Variants in STRN3 observed in about 807,000 individuals in gnomAD.
The protein encoded by STRN3 is striatin-3.
STRN3 carries 29 observed loss-of-function variants against 95.6 expected under a neutral mutation model. The ratio of observed to expected loss-of-function variants is 0.30; its 90% CI spans 0.23 to 0.41. The LOEUF is 0.41. Ranked by LOEUF, STRN3 falls within the 10% of genes least tolerant of loss-of-function variation. STRN3 has a pLI of 1.00. For synonymous variants in STRN3, 331 were observed against 357.6 expected (o/e 0.93, Z 0.84); for missense variants, 890 against 972.1 (o/e 0.92, Z 1.12).
rs147057592 is a variant in STRN3, at chr14:30,952,121, C to CAAAA, written c.461-1178_461-1177insTTTT. Among the ~76,000 whole-genome samples, 10 of 148,292 alleles carry CAAAA rather than the reference C, an allele frequency of 6.7e-5. 1 individual carries two copies. Among genetic ancestry groups the CAAAA allele is most frequent in the Non-Finnish European group, 1.2e-4 (8 of 67,106 alleles). ...CGACAGAGCGAGACCCTGTCTTAAA[C>CAAAA]AACAAAAAAAAAGAGTTTAATAAAC... On this transcript the variant is annotated intron_variant, in intron 3 of 17. Transcript: ENST00000357479.
intron 7 of STRN3, among the ~76,000 whole-genome samples, chr14:30,934,047 C>T (rs2139068480): frequency 6.6e-6 from 1 of 152,200 alleles, no homozygotes; most frequent in African/African-American, 2.4e-5. Context: ...TTCTCCAGGC[C>T]AGGCGCGGTG....
chr14:30,936,153 A>G (rs1340758737), intron 6 of STRN3, among the ~76,000 whole-genome samples: 1 of 152,216 alleles, frequency 6.6e-6, no homozygotes, highest in Non-Finnish European at 1.5e-5. Context: ...TCCCATTGCA[A>G]CTTCAGTTAA....
rs539852765 is a variant in STRN3 at position 30,986,547 on chromosome 14, A to G, written c.283-30305T>C. ...CCTTTTAGCTACTAACACTATTCCT[A>G]TATTTCTTTTACTTTCCATACTATG... On this transcript the variant is annotated intron_variant, in intron 1 of 17. Coordinates refer to ENST00000357479, the MANE Select transcript of STRN3 (RefSeq NM_001083893.2). 3.3e-4 allele frequency among the ~76,000 whole-genome samples: 51 copies of G among 152,318 alleles called. 1 individual carries two copies. Among genetic ancestry groups the G allele is most frequent in the South Asian group, 2.7e-3 (13 of 4,834 alleles).
intron 1 of STRN3, among the ~76,000 whole-genome samples, chr14:30,975,861 T>G (rs112900946): frequency 0.015 from 1,795 of 120,528 alleles, 22 homozygotes; most frequent in Middle Eastern, 0.026. Context: ...AAAAAAAAAG[T>G]GGACTTGAAT....
rs560448285 is a variant in STRN3, at chr14:30,913,348, T to G, written c.1374+176A>C. The stretch of plus-strand genomic sequence containing the variant: ...CCACCAAAATACCTAAAAAAAAAAT[T>G]TAAATACCACAAAGAGAGTAGTTAT... On this transcript the variant is annotated intron_variant, in intron 10 of 17. Transcript: ENST00000357479. Among the ~76,000 whole-genome samples, 6 of 152,150 alleles carry G rather than the reference T, an allele frequency of 3.9e-5. No individual in the cohort carries two copies. In the East Asian group the frequency reaches 1.2e-3, roughly 29 times the overall value.
At chr14:30,956,631 T>C (rs565158989) in intron 1 of STRN3, among the ~76,000 whole-genome samples, 4 of 152,274 alleles carry the variant, frequency 2.6e-5, no homozygotes, top group African/African-American at 9.6e-5. Flanking sequence ...CACATCCCTT[T>C]TAAAATAAAG....
At chr14:30,921,106 A>ACG (rs1218949783) in intron 8 of STRN3, among the ~76,000 whole-genome samples, 4 of 150,680 alleles carry the variant, frequency 2.7e-5, no homozygotes, top group Non-Finnish European at 5.9e-5. Context: ...ACACACACAC[A>ACG]CTTCCTTATC....
chr14:30,992,591 A>G (rs112740689), intron 1 of STRN3, among the ~76,000 whole-genome samples: 185 of 120,584 alleles, frequency 1.5e-3, no homozygotes, highest in Admixed American at 4.6e-3. Context: ...AAAAAAAAAA[A>G]GATGGGGTCG....
At chr14:30,931,732 A>G (rs1272533357) in intron 7 of STRN3, among the ~76,000 whole-genome samples, 1 of 152,244 alleles carries the variant, frequency 6.6e-6, no homozygotes, top group Non-Finnish European at 1.5e-5. Flanking sequence ...AGAAGAACTA[A>G]AAATAACTAA....
At chr14:30,915,664 T>C (rs1896719722) in intron 9 of STRN3, among the ~76,000 whole-genome samples, 2 of 152,330 alleles carry the variant, frequency 1.3e-5, no homozygotes, top group African/African-American at 2.4e-5. Flanking sequence ...CATTTTTCTC[T>C]AGACAAAGAA....
intron 1 of STRN3, among the ~76,000 whole-genome samples, chr14:30,977,748 C>G (rs967734719): frequency 7.5e-6 from 1 of 133,518 alleles, no homozygotes; most frequent in Admixed American, 8.5e-5. Flanking sequence ...AGCAGAGATT[C>G]ACACCATTGC....
chr14:31,000,656 T>C (rs1882404385), intron 1 of STRN3, among the ~76,000 whole-genome samples: 1 of 152,184 alleles, frequency 6.6e-6, no homozygotes, highest in African/African-American at 2.4e-5. Flanking sequence ...CCTGTTTAAA[T>C]AATAATGTTA....
At chr14:30,979,838 A>C (rs1318344916) in intron 1 of STRN3, among the ~76,000 whole-genome samples, 1 of 151,732 alleles carries the variant, frequency 6.6e-6, no homozygotes, top group African/African-American at 2.4e-5. Flanking sequence ...GACCTCAGGT[A>C]ATCTGCCCGC....
chr14:30,898,789 G>C (rs137960456), intron 16 of STRN3, among the ~76,000 whole-genome samples: 1 of 152,128 alleles, frequency 6.6e-6, no homozygotes, highest in Non-Finnish European at 1.5e-5. Context: ...ATAAAGGCTG[G>C]ACAGATGCCA....
intron 7 of STRN3, among the ~76,000 whole-genome samples, chr14:30,931,316 A>G (rs1685883415): frequency 6.6e-6 from 1 of 152,152 alleles, no homozygotes; most frequent in Admixed American, 6.5e-5. Context: ...CTACATATTA[A>G]TCCTTTTTTT....
rs1566421229 is a variant in STRN3 at position 30,895,309 on chromosome 14, G to T, written c.*102C>A. On this transcript the variant is annotated 3_prime_UTR_variant, in exon 18 of 18. Transcript: ENST00000357479. Reference sequence around the variant, plus strand: ...GCCTGCCCCAGATAGCCTTCACCAGGCAGATCACATGTAGTGTCATATCAG... The same window carrying T: ...GCCTGCCCCAGATAGCCTTCACCAGTCAGATCACATGTAGTGTCATATCAG... The T allele has an allele frequency of 6.5e-6, 8 of 1,231,920 alleles. No homozygotes were observed. Among genetic ancestry groups the T allele is most frequent in the Admixed American group, 5.7e-5 (2 of 35,178 alleles). 76.3% of individuals were successfully genotyped at this position (1,231,920 alleles called of 1,614,324 possible). A position where few individuals can be genotyped will look rare whatever the true frequency, so the allele number is the denominator to read the frequency against.
At chr14:30,998,107 G>T (rs982851728) in intron 1 of STRN3, among the ~76,000 whole-genome samples, 3 of 152,076 alleles carry the variant, frequency 2.0e-5, no homozygotes, top group African/African-American at 7.2e-5. Context: ...CACTGGAGGG[G>T]GCAGAACAGC....
intron 1 of STRN3, among the ~76,000 whole-genome samples, chr14:30,972,117 TTTAAAC>T (rs995951999): frequency 3.8e-4 from 58 of 152,186 alleles, no homozygotes; most frequent in African/African-American, 1.4e-3. Context: ...GCCTTCTACT[TTTAAAC>T]TTAAACTTCC....
chr14:30,997,680 C>T (rs958257335), intron 1 of STRN3, among the ~76,000 whole-genome samples: 4 of 152,154 alleles, frequency 2.6e-5, no homozygotes, highest in Non-Finnish European at 5.9e-5. Context: ...TTCGATGTCT[C>T]CTCTTATGGT....
Sources: gnomAD v4.1 joint callset for allele counts (sites outside exome capture counted in the v4.1 genomes callset) on GRCh38, gnomAD v4.1.1 for gene constraint, MANE v1.5 for transcripts, NCBI Gene and HGNC (gene_info 2026-07-23, HGNC 2026-07-21) for gene names.